The following RAD51B variants were observed in gnomAD, a reference collection of about 807,000 sequenced individuals.
RAD51B encodes RAD51 paralog B.
A neutral mutation model predicts 42.2 loss-of-function variants in RAD51B; 38 were observed. That is an observed-to-expected ratio of 0.90 (90% CI 0.70 to 1.18). The LOEUF (loss-of-function observed/expected upper bound fraction) is 1.18, where lower values mean the gene tolerates loss of function less well. Ranked by LOEUF, RAD51B falls within the 50% of genes most tolerant of loss-of-function variation. RAD51B has a pLI of 0.00. For missense variants in RAD51B, 373 were observed against 400.7 expected (o/e 0.93, Z 0.59); for synonymous variants, 154 against 145.2 (o/e 1.06, Z -0.43).
intron 7 of RAD51B, among the ~76,000 whole-genome samples, chr14:67,982,646 A>T (rs2075116633): frequency 6.6e-6 from 1 of 152,048 alleles, no homozygotes; most frequent in Non-Finnish European, 1.5e-5. Flanking sequence ...TTTTTGAAAA[A>T]CTATCATAGG....
Position 68,461,336 on chromosome 14 carries a change from GAAAAA to G in RAD51B, c.958-6821_958-6817del, listed in dbSNP as rs60250666. On this transcript the variant is annotated intron_variant, in intron 9 of 10. Coordinates refer to ENST00000471583, the MANE Select transcript of RAD51B (RefSeq NM_133510.4). ...TTGAATCATGCAATATCCATGCAGG[GAAAAA>G]AAAAAAAAAAAAAAGCCCTTATTTG... is the stretch of plus-strand genomic sequence containing the variant. Among the ~76,000 whole-genome samples the G allele has an allele frequency of 1.7e-3, 214 of 126,502 alleles. 1 individual carries two copies. Among genetic ancestry groups the G allele is most frequent in the Non-Finnish European group, 1.1e-3 (65 of 61,480 alleles). The allele number at this position is 126,502 out of a possible 152,430, so 83.0% of individuals were successfully genotyped here. A position where few individuals can be genotyped will look rare whatever the true frequency, so the allele number is the denominator to read the frequency against.
At chr14:68,116,544 T>C (rs2077551768) in intron 7 of RAD51B, among the ~76,000 whole-genome samples, 1 of 152,124 alleles carries the variant, frequency 6.6e-6, no homozygotes. Context: ...CTTCGATTAG[T>C]GAGAAAATAC....
intron 7 of RAD51B, among the ~76,000 whole-genome samples, chr14:68,105,158 A>G (rs2077356041): frequency 6.7e-6 from 1 of 149,332 alleles, no homozygotes; most frequent in Non-Finnish European, 1.5e-5. Context: ...TCTCAGGTCT[A>G]TTCGGAGATA....
intron 10 of RAD51B, among the ~76,000 whole-genome samples, chr14:68,501,505 G>A (rs1884916127): frequency 6.6e-6 from 1 of 152,234 alleles, no homozygotes; most frequent in Non-Finnish European, 1.5e-5. Context: ...CTCGCTGACA[G>A]CTACCTTAGA....
At chr14:68,177,191 A>G (rs2078978428) in intron 7 of RAD51B, among the ~76,000 whole-genome samples, 1 of 152,224 alleles carries the variant, frequency 6.6e-6, no homozygotes, top group Non-Finnish European at 1.5e-5. Context: ...AATTCTGTAC[A>G]CAAACACTTA....
chr14:68,385,519 T>C (rs2083575951), intron 8 of RAD51B, among the ~76,000 whole-genome samples: 1 of 152,116 alleles, frequency 6.6e-6, no homozygotes, highest in Admixed American at 6.5e-5. Flanking sequence ...TAAGAACCAA[T>C]GAGTGAGGCC....
chr14:67,849,719 A>C (rs916348872), intron 4 of RAD51B, among the ~76,000 whole-genome samples: 18 of 152,228 alleles, frequency 1.2e-4, no homozygotes, highest in Admixed American at 3.3e-4. Flanking sequence ...TTTCAGTTCC[A>C]GAAGCTCTAA....
At chr14:68,231,394 C>T (rs957178582) in intron 7 of RAD51B, among the ~76,000 whole-genome samples, 1 of 152,112 alleles carries the variant, frequency 6.6e-6, no homozygotes, top group Non-Finnish European at 1.5e-5. Flanking sequence ...GTTATCTGGT[C>T]ATTTGATCTA....
chr14:68,532,846 T>C (rs1317446432), intron 10 of RAD51B, among the ~76,000 whole-genome samples: 1 of 152,182 alleles, frequency 6.6e-6, no homozygotes, highest in Non-Finnish European at 1.5e-5. Context: ...TGTCTTAATA[T>C]AGATGCAGAA....
At chr14:68,074,702 T>C (rs1372311656) in intron 7 of RAD51B, among the ~76,000 whole-genome samples, 1 of 152,232 alleles carries the variant, frequency 6.6e-6, no homozygotes, top group East Asian at 1.9e-4. Flanking sequence ...GTCAGTTGAC[T>C]TCATTTCTGG....
At chr14:68,643,460 A>G (rs890266309) in intron 10 of RAD51B, among the ~76,000 whole-genome samples, 1 of 152,216 alleles carries the variant, frequency 6.6e-6, no homozygotes, top group African/African-American at 2.4e-5. Context: ...TGATCCACTC[A>G]GTCATTTAAG....
At chr14:68,300,261 G>T (rs1290714837) in intron 8 of RAD51B, among the ~76,000 whole-genome samples, 3 of 151,962 alleles carry the variant, frequency 2.0e-5, no homozygotes, top group East Asian at 3.8e-4. Flanking sequence ...TAGAGACAGG[G>T]TCTCACTCCA....
intron 10 of RAD51B, among the ~76,000 whole-genome samples, chr14:68,631,439 G>T (rs1892224882): frequency 6.6e-6 from 1 of 152,138 alleles, no homozygotes; most frequent in African/African-American, 2.4e-5. Context: ...GGGTATGGGA[G>T]GAGGGAGTGG....
chr14:67,951,272 A>G (rs2074439892), intron 7 of RAD51B, among the ~76,000 whole-genome samples: 1 of 152,126 alleles, frequency 6.6e-6, no homozygotes, highest in African/African-American at 2.4e-5. Context: ...ATTGAAATAT[A>G]CTGTCACTCA....
chr14:68,409,547 T>C (rs554817094), intron 8 of RAD51B, among the ~76,000 whole-genome samples: 1 of 152,034 alleles, frequency 6.6e-6, no homozygotes, highest in East Asian at 1.9e-4. Flanking sequence ...GTAATCAACA[T>C]GGTAAAAGGA....
At chr14:67,843,086 A>G (rs2041484516) in intron 4 of RAD51B, among the ~76,000 whole-genome samples, 1 of 150,796 alleles carries the variant, frequency 6.6e-6, no homozygotes, top group South Asian at 2.1e-4. Flanking sequence ...ATTTTCTTGC[A>G]GATTTTTGCA....
intron 10 of RAD51B, among the ~76,000 whole-genome samples, chr14:68,551,332 C>A (rs527903692): frequency 6.6e-6 from 1 of 152,212 alleles, no homozygotes; most frequent in Admixed American, 6.5e-5. Flanking sequence ...CCCCTTCAGC[C>A]CCAAGTCGCG....
At chr14:67,960,344 T>G (rs2074638516) in intron 7 of RAD51B, among the ~76,000 whole-genome samples, 1 of 152,226 alleles carries the variant, frequency 6.6e-6, no homozygotes, top group African/African-American at 2.4e-5. Context: ...CATCTCTTCC[T>G]TTAAAAATTC....
chr14:68,118,888 AG>A (rs1466586749), intron 7 of RAD51B, among the ~76,000 whole-genome samples: 1 of 152,140 alleles, frequency 6.6e-6, no homozygotes, highest in Non-Finnish European at 1.5e-5. Context: ...ATGTTCTTCA[AG>A]GGAAGATTCC....
Sources: allele counts gnomAD v4.1 joint callset (sites outside exome capture counted in the v4.1 genomes callset), GRCh38; gene constraint gnomAD v4.1.1; transcripts MANE v1.5; gene names NCBI Gene and HGNC (gene_info 2026-07-23, HGNC 2026-07-21).